The following OPCML variants were observed in gnomAD, a reference collection of about 807,000 sequenced individuals.
OPCML encodes the protein opioid binding protein/cell adhesion molecule like.
Under a neutral mutation model 37.8 loss-of-function variants are expected in OPCML, and 13 were observed. That is an observed-to-expected ratio of 0.34 (90% CI 0.22 to 0.55). OPCML has a LOEUF of 0.55. Among genes scored for constraint, OPCML ranks in the 20% least tolerant of loss-of-function variants. The probability of loss-of-function intolerance (pLI) is 0.91; values close to 1 mark genes in which losing one functional copy is unlikely to be tolerated. For synonymous variants in OPCML, 176 were observed against 168.8 expected, an observed-to-expected ratio of 1.04 and a Z score of -0.33; for missense variants, 341 against 435.6, an observed-to-expected ratio of 0.78 and a Z score of 1.93.
At chr11:133,043,419 C>T (rs1327794094) in intron 1 of OPCML, among the ~76,000 whole-genome samples, 1 of 152,222 alleles carries the variant, frequency 6.6e-6, no homozygotes, top group Non-Finnish European at 1.5e-5. Context: ...ATCAGCCCCT[C>T]TGCTCCTCAG....
At chr11:132,449,227 G>A (rs1488301562) in intron 4 of OPCML, among the ~76,000 whole-genome samples, 1 of 152,214 alleles carries the variant, frequency 6.6e-6, no homozygotes, top group Non-Finnish European at 1.5e-5. Context: ...GAGAGGTTTT[G>A]ACAATTATGA....
intron 4 of OPCML, among the ~76,000 whole-genome samples, chr11:132,519,420 T>C (rs1022609296): frequency 5.3e-5 from 8 of 152,052 alleles, no homozygotes; most frequent in Admixed American, 5.2e-4. Context: ...ATCCTCCCGC[T>C]TGCACAAAAG....
Position 132,417,748 on chromosome 11 carries a change from C to T in OPCML, c.*2445G>A, listed in dbSNP as rs909478448. 10 of 152,316 alleles carry T rather than the reference C, an allele frequency of 6.6e-5. No individual in the cohort carries two copies. Among genetic ancestry groups the T allele is most frequent in the African/African-American group, 2.2e-4 (9 of 41,558 alleles). 9.4% of individuals were successfully genotyped at this position (152,316 alleles called of 1,614,324 possible). On this transcript the variant is annotated 3_prime_UTR_variant, in exon 8 of 8. Coordinates refer to ENST00000524381, the MANE Select transcript of OPCML (RefSeq NM_001012393.5). ...ATGCTCAGATGACACATTTAATTCT[C>T]ATACACTATCTGACACCAACTCAAC... is the stretch of plus-strand genomic sequence containing the variant.
intron 3 of OPCML, among the ~76,000 whole-genome samples, chr11:132,640,600 G>A (rs1940793336): frequency 6.6e-6 from 1 of 152,104 alleles, no homozygotes. Context: ...ATCTATGTGA[G>A]TTCTGTGCCT....
At chr11:132,498,826 T>G (rs920969485) in intron 4 of OPCML, among the ~76,000 whole-genome samples, 1 of 152,200 alleles carries the variant, frequency 6.6e-6, no homozygotes, top group Non-Finnish European at 1.5e-5. Flanking sequence ...AGTGCATGAC[T>G]TTATTGAAAT....
At position 132,563,845 on chromosome 11, in the gene OPCML, T is replaced by C. The variant is rs532940307; in HGVS notation, c.380-34659A>G. ...AAAAACTTCACTGACAGCATTTTTT[T>C]AATCAGTGAGACTTTTTTTGGTGGA... On this transcript the variant is annotated intron_variant, in intron 3 of 7. Transcript: ENST00000524381. Among the ~76,000 whole-genome samples the C allele has an allele frequency of 2.9e-4, 44 of 152,268 alleles. No individual in the cohort carries two copies. The South Asian group carries it at 5.8e-3, about 20-fold the overall frequency.
intron 4 of OPCML, among the ~76,000 whole-genome samples, chr11:132,504,853 A>G (rs990756906): frequency 6.6e-6 from 1 of 152,010 alleles, no homozygotes; most frequent in South Asian, 2.1e-4. Flanking sequence ...AAGGGTGTGA[A>G]TATCAGGAGG....
intron 4 of OPCML, among the ~76,000 whole-genome samples, chr11:132,498,873 A>G (rs1382565028): frequency 6.6e-6 from 1 of 152,104 alleles, no homozygotes; most frequent in Non-Finnish European, 1.5e-5. Context: ...GAACATTTAT[A>G]TTTTGCAAAA....
At chr11:132,694,460 G>A (rs936128718) in intron 2 of OPCML, among the ~76,000 whole-genome samples, 2 of 151,970 alleles carry the variant, frequency 1.3e-5, no homozygotes, top group Admixed American at 1.3e-4. Context: ...GCCTCCCAAA[G>A]TGCTGGGATT....
In OPCML at chr11:132,584,736, T is replaced by C. The variant is rs536329524; in HGVS notation, c.380-55550A>G. On this transcript the variant is annotated intron_variant, in intron 3 of 7. Coordinates refer to ENST00000524381, the MANE Select transcript of OPCML (RefSeq NM_001012393.5). Reference sequence around the variant, plus strand: ...TACAGGCCAGGTAACAGTTGTAAAATAAAAACTTTAGACAAGTTAAATGTA... The same window carrying C: ...TACAGGCCAGGTAACAGTTGTAAAACAAAAACTTTAGACAAGTTAAATGTA... 9.2e-4 allele frequency among the ~76,000 whole-genome samples: 140 copies of C among 152,184 alleles called. 3 individuals carry two copies. In the South Asian group the frequency reaches 0.028, roughly 31 times the overall value.
intron 2 of OPCML, among the ~76,000 whole-genome samples, chr11:132,750,506 G>C (rs1360125862): frequency 6.6e-6 from 1 of 152,048 alleles, no homozygotes; most frequent in South Asian, 2.1e-4. Flanking sequence ...TGGTGGCATG[G>C]GTGCGTGCAC....
intron 1 of OPCML, among the ~76,000 whole-genome samples, chr11:133,266,561 T>C (rs545156400): frequency 6.6e-6 from 1 of 152,344 alleles, no homozygotes; most frequent in East Asian, 1.9e-4. Context: ...CAGGAACTCA[T>C]GTCTATCTTG....
At chr11:132,951,892 T>C (rs1945868384) in intron 1 of OPCML, among the ~76,000 whole-genome samples, 2 of 152,248 alleles carry the variant, frequency 1.3e-5, no homozygotes, top group African/African-American at 4.8e-5. Context: ...TAAGCTTTTA[T>C]TTTGCCCTGG....
At chr11:132,540,941 T>C (rs1359760193) in intron 3 of OPCML, among the ~76,000 whole-genome samples, 2 of 152,022 alleles carry the variant, frequency 1.3e-5, no homozygotes, top group African/African-American at 2.4e-5. Flanking sequence ...TCTGGGAGTC[T>C]CCTTTTGTTC....
chr11:133,198,758 G>C (rs1192798457), intron 1 of OPCML, among the ~76,000 whole-genome samples: 1 of 152,232 alleles, frequency 6.6e-6, no homozygotes, highest in Non-Finnish European at 1.5e-5. Context: ...GCTGTGTCAG[G>C]TAGCAGACAT....
At chr11:132,934,340 AT>A (rs547209871) in intron 2 of OPCML, among the ~76,000 whole-genome samples, 3 of 152,158 alleles carry the variant, frequency 2.0e-5, no homozygotes, top group Admixed American at 1.3e-4. Context: ...ACTAAGACCC[AT>A]TGACAAGAGG....
intron 2 of OPCML, among the ~76,000 whole-genome samples, chr11:132,726,767 A>G (rs953533484): frequency 6.6e-5 from 10 of 152,122 alleles, no homozygotes; most frequent in Non-Finnish European, 1.2e-4. Flanking sequence ...ATCTGCGTTA[A>G]AAAACTGCAA....
chr11:132,495,700 G>C (rs369648996), intron 4 of OPCML, among the ~76,000 whole-genome samples: 25 of 152,170 alleles, frequency 1.6e-4, no homozygotes, highest in African/African-American at 5.8e-4. Context: ...GACCATCCTG[G>C]CTAACACAGT....
chr11:133,239,022 C>T (rs1015481143), intron 1 of OPCML, among the ~76,000 whole-genome samples: 12 of 152,140 alleles, frequency 7.9e-5, no homozygotes, highest in African/African-American at 1.9e-4. Context: ...GAGTAGCAAC[C>T]GGTGAAAATG....
Sources: gnomAD v4.1 joint callset for allele counts (sites outside exome capture counted in the v4.1 genomes callset) on GRCh38, gnomAD v4.1.1 for gene constraint, MANE v1.5 for transcripts, NCBI Gene and HGNC (gene_info 2026-07-23, HGNC 2026-07-21) for gene names.